MATN3: variants seen among roughly 807,000 people sequenced by gnomAD.
MATN3 encodes matrilin 3, also known as matrilin-3.
MATN3 carries 48 observed loss-of-function variants against 45.3 expected under a neutral mutation model. The observed-to-expected ratio is 1.06, with a 90% confidence interval of 0.84 to 1.35. The LOEUF (loss-of-function observed/expected upper bound fraction) is 1.35, where lower values mean the gene tolerates loss of function less well. Ranked by LOEUF, MATN3 falls within the 40% of genes most tolerant of loss-of-function variation. MATN3 has a pLI of 0.00. For missense variants in MATN3, 599 were observed against 628.0 expected, an observed-to-expected ratio of 0.95 and a Z score of 0.49; for synonymous variants, 217 against 245.9, an observed-to-expected ratio of 0.88 and a Z score of 1.10.
intron 1 of MATN3, among the ~76,000 whole-genome samples, chr2:20,006,832 C>A (rs1673116338): frequency 6.6e-6 from 1 of 152,176 alleles, no homozygotes; most frequent in African/African-American, 2.4e-5. Context: ...TTCCAAGGGG[C>A]TGAAAACTGC....
chr2:20,009,689 A>G (rs1182609107), intron 1 of MATN3, among the ~76,000 whole-genome samples: 3 of 152,194 alleles, frequency 2.0e-5, no homozygotes, highest in Non-Finnish European at 4.4e-5. Context: ...AACATTTGTC[A>G]TCTATTGTCT....
In MATN3 at chr2:20,012,556, C is replaced by T. The variant is rs1262271401; in HGVS notation, c.76G>A (p.Ala26Thr). The T allele has an allele frequency of 1.6e-6, 2 of 1,226,712 alleles. No homozygotes were observed. Among genetic ancestry groups the T allele is most frequent in the South Asian group, 4.1e-5 (1 of 24,504 alleles). The allele number at this position is 1,226,712 out of a possible 1,614,324, so 76.0% of individuals were successfully genotyped here. A position where few individuals can be genotyped will look rare whatever the true frequency, so the allele number is the denominator to read the frequency against. ...GGGCGGGCCACGGGGTCGGGGGCGGCGGAGGGCAGCAGCAGCAGCGGCCAG... is the reference window on the plus strand; with the variant it reads ...GGGCGGGCCACGGGGTCGGGGGCGGTGGAGGGCAGCAGCAGCAGCGGCCAG... Reference protein sequence around the residue: ...LLWPLLLLPSAAPDPVARPGF... With the variant: ...LLWPLLLLPSTAPDPVARPGF... Residue 26 changes from alanine (A) to threonine (T), a missense_variant, in exon 1 of 8, where the codon GCC (alanine) becomes ACC (threonine). By Grantham distance (58) the Ala-to-Thr change is moderately conservative. Transcript: ENST00000407540. This position sits in a 1 kb window ranked among gnomAD's most constrained non-coding sequence, Gnocchi z 4.3.
intron 2 of MATN3, among the ~76,000 whole-genome samples, 184 bp downstream of exon 2, chr2:20,005,560 A>G (rs1673080414): frequency 2.0e-5 from 3 of 152,170 alleles, no homozygotes; most frequent in South Asian, 2.1e-4. Context: ...TCCTAAACCA[A>G]TAGAGTGTGT....
chr2:19,993,123 T>C lies in MATN3; in HGVS notation c.1449A>G (p.Gln483=). 1 of 1,612,790 alleles carries C rather than the reference T, an allele frequency of 6.2e-7. No homozygotes were observed. Among genetic ancestry groups the C allele is most frequent in the South Asian group, 1.1e-5 (1 of 91,044 alleles). The change falls in exon 8 of 8, where the codon CAA becomes CAG. Residue 483 remains glutamine (Q), a synonymous_variant. Coordinates refer to ENST00000407540, the MANE Select transcript of MATN3 (RefSeq NM_002381.5). ...AAATTGGAGCAATTTAACGATGTAT[T>C]TGTCCATATTCATTTATTTTCAACT... The part of the protein sequence containing the change: ...LEKLKINEYG[Q]IHR
At chr2:20,009,668 T>C (rs868626927) in intron 1 of MATN3, among the ~76,000 whole-genome samples, 69 of 152,134 alleles carry the variant, frequency 4.5e-4, no homozygotes, top group African/African-American at 1.5e-3. Flanking sequence ...TTTAAAAAGA[T>C]CTGAATAGGA....
intron 6 of MATN3, 43 bp downstream of exon 6, chr2:19,997,091 A>T: frequency 6.2e-7 from 1 of 1,602,698 alleles, no homozygotes; most frequent in Non-Finnish European, 8.5e-7. Flanking sequence ...CTCCTGAAAA[A>T]TTTTCCTACC....
At chr2:20,009,590 T>A (rs982187052) in intron 1 of MATN3, among the ~76,000 whole-genome samples, 3 of 152,208 alleles carry the variant, frequency 2.0e-5, no homozygotes, top group Middle Eastern at 6.8e-3. Context: ...CGCACATGTA[T>A]CCCTATGTAA....
rs1384626806 is a variant in MATN3 at position 19,992,094 on chromosome 2, T to C, written c.*1017A>G. On this transcript the variant is annotated 3_prime_UTR_variant, in exon 8 of 8. Coordinates refer to ENST00000407540, the MANE Select transcript of MATN3 (RefSeq NM_002381.5). ...TTTAATAGACAAAATTGATGAGTCA[T>C]CAAAAATAGACATGATAATATGTAA... The C allele has an allele frequency of 6.6e-6, 1 of 152,106 alleles. No homozygotes were observed. Among genetic ancestry groups the C allele is most frequent in the Admixed American group, 6.5e-5 (1 of 15,276 alleles). 9.4% of individuals were successfully genotyped at this position (152,106 alleles called of 1,614,324 possible).
chr2:20,003,456 C>G (rs1186018853), intron 2 of MATN3, among the ~76,000 whole-genome samples, 170 bp from the exon 3 acceptor site: 4 of 152,228 alleles, frequency 2.6e-5, no homozygotes, highest in Non-Finnish European at 5.9e-5. Context: ...CAATGCTACT[C>G]TTAAACTAGA....
chr2:19,996,551 G>A (rs1672872519), intron 6 of MATN3, among the ~76,000 whole-genome samples: 1 of 152,112 alleles, frequency 6.6e-6, no homozygotes, highest in Non-Finnish European at 1.5e-5. Flanking sequence ...GGGGAGGGTG[G>A]GAATGAGTGA....
chr2:20,006,707 C>G (rs573034930), intron 1 of MATN3, among the ~76,000 whole-genome samples: 39 of 150,348 alleles, frequency 2.6e-4, no homozygotes, highest in Non-Finnish European at 2.4e-4. Context: ...ATGTAAAAGG[C>G]CTTGGGCCCT....
In MATN3 at chr2:19,993,067, G is replaced by C. The variant is rs751281546; in HGVS notation, c.*44C>G. 1.6e-5 allele frequency: 24 copies of C among 1,503,552 alleles called. No individual in the cohort carries two copies. Among genetic ancestry groups the C allele is most frequent in the Non-Finnish European group, 6.5e-6 (7 of 1,080,100 alleles). 93.1% of individuals were successfully genotyped at this position (1,503,552 alleles called of 1,614,324 possible). The stretch of plus-strand genomic sequence containing the variant: ...GTGCAAAAGAATGCATGAGTATTAA[G>C]TACACCAAGCTGTCCACATTTTCAG... On this transcript the variant is annotated 3_prime_UTR_variant, in exon 8 of 8. Transcript: ENST00000407540.
Position 20,012,431 on chromosome 2 carries a change from C to T in MATN3, c.201G>A (p.Glu67=). Reference sequence around the variant, plus strand: ...TACCTGCACCGCGGGCGCGGCCAGGCTCGCTGGTCCCGGAAGCGGGCGCGC... The same window carrying T: ...TACCTGCACCGCGGGCGCGGCCAGGTTCGCTGGTCCCGGAAGCGGGCGCGC... The part of the protein sequence containing the change: ...PDGAPASGTS[E]PGRARGAGVC... The change falls in exon 1 of 8, where the codon GAG becomes GAA. Residue 67 remains glutamate (E), a synonymous_variant. Coordinates refer to ENST00000407540, the MANE Select transcript of MATN3 (RefSeq NM_002381.5). The surrounding 1 kb of genome is among the most constrained non-coding windows in gnomAD (Gnocchi z 4.3). 8.1e-7 allele frequency: 1 copy of T among 1,229,456 alleles called. No individual in the cohort carries two copies. The highest frequency in any genetic ancestry group is 1.0e-6 in the Non-Finnish European group (1 of 986,510). The allele number at this position is 1,229,456 out of a possible 1,614,324, so 76.2% of individuals were successfully genotyped here.
At chr2:19,996,114 A>G (rs933825224) in intron 6 of MATN3, among the ~76,000 whole-genome samples, 3 of 152,190 alleles carry the variant, frequency 2.0e-5, no homozygotes, top group African/African-American at 7.2e-5. Context: ...AACACTTCAT[A>G]GAAAATTGTA....
At position 20,004,509 on chromosome 2, in the gene MATN3, C is replaced by G. The variant is rs148265160; in HGVS notation, c.791-1223G>C. Among the ~76,000 whole-genome samples the G allele has an allele frequency of 2.5e-3, 377 of 152,276 alleles. 1 individual carries two copies. Among genetic ancestry groups the G allele is most frequent in the African/African-American group, 8.6e-3 (356 of 41,552 alleles). On this transcript the variant is annotated intron_variant, in intron 2 of 7. Transcript: ENST00000407540. The stretch of plus-strand genomic sequence containing the variant: ...AAAGCCAGTGATGGCTTGTGAAAGC[C>G]CAGTGTCCTGGGACAGGAAAGACAA...
intron 1 of MATN3, among the ~76,000 whole-genome samples, chr2:20,009,983 A>G (rs756040505): frequency 4.0e-4 from 60 of 148,726 alleles, no homozygotes; most frequent in Admixed American, 1.3e-3. Flanking sequence ...GACCATCTTG[A>G]GCACATGTAC....
chr2:19,998,790 AAC>A (rs1438924472), intron 5 of MATN3, among the ~76,000 whole-genome samples: 1 of 151,740 alleles, frequency 6.6e-6, no homozygotes, highest in Non-Finnish European at 1.5e-5. Context: ...ATATATATAT[AAC>A]TAACTTTCCC....
Position 20,012,099 on chromosome 2 carries a change from GA to G in MATN3, c.223+309del, listed in dbSNP as rs1673228344. Among the ~76,000 whole-genome samples, 1 of 152,200 alleles carries G rather than the reference GA, an allele frequency of 6.6e-6. No homozygotes were observed. On this transcript the variant is annotated intron_variant, in intron 1 of 7. Coordinates refer to ENST00000407540, the MANE Select transcript of MATN3 (RefSeq NM_002381.5). This position sits in a 1 kb window ranked among gnomAD's most constrained non-coding sequence, Gnocchi z 4.3. ...TTTGCTCACTGAATGGAGAGGTCAG[GA>G]CTGGGACGGAGCTTAGCAGCAGCCG...
chr2:20,006,487 T>C (rs763658241), intron 1 of MATN3, among the ~76,000 whole-genome samples, 177 bp from the exon 2 acceptor site: 9 of 152,150 alleles, frequency 5.9e-5, no homozygotes, highest in Non-Finnish European at 1.3e-4. Flanking sequence ...GACTTCAGAA[T>C]TCCCTAGTGA....
Sources: gnomAD v4.1 joint callset for allele counts (sites outside exome capture counted in the v4.1 genomes callset) on GRCh38, gnomAD v4.1.1 for gene constraint, Gnocchi (gnomAD v3.1) non-coding constraint, MANE v1.5 for transcripts, NCBI Gene and HGNC (gene_info 2026-07-23, HGNC 2026-07-21) for gene names.